Variants in USP24 observed in about 807,000 individuals in gnomAD.
USP24 encodes the protein ubiquitin specific peptidase 24.
USP24 carries 97 observed loss-of-function variants against 361.6 expected under a neutral mutation model. That is an observed-to-expected ratio of 0.27 (90% CI 0.23 to 0.32). The LOEUF (loss-of-function observed/expected upper bound fraction) is 0.32. USP24 is among the 10% of genes least tolerant of loss of function. The pLI, the probability that USP24 is intolerant of heterozygous loss-of-function variation, is 1.00. For missense variants in USP24, 2,353 were observed against 3,165.6 expected, an observed-to-expected ratio of 0.74 and a Z score of 6.16; for synonymous variants, 1,098 against 1,124.6, an observed-to-expected ratio of 0.98 and a Z score of 0.47.
chr1:55,108,249 G>GCT (rs1026407928), intron 39 of USP24, among the ~76,000 whole-genome samples: 4 of 152,152 alleles, frequency 2.6e-5, no homozygotes, highest in Non-Finnish European at 5.9e-5. Flanking sequence ...GAACTACTCT[G>GCT]TTCTTTTGTA....
At chr1:55,081,275 G>T in intron 59 of USP24, 47 bp downstream of exon 59, 1 of 1,566,162 alleles carries the variant, frequency 6.4e-7, no homozygotes, top group Non-Finnish European at 8.8e-7. Context: ...TACTCTCCAA[G>T]CTAGACAAAT....
intron 20 of USP24, among the ~76,000 whole-genome samples, chr1:55,145,081 G>A (rs183085016): frequency 1.2e-4 from 19 of 152,278 alleles, no homozygotes; most frequent in Non-Finnish European, 1.5e-4. Flanking sequence ...GTGGGATTAC[G>A]AAATAGCGTG....
intron 28 of USP24, among the ~76,000 whole-genome samples, chr1:55,134,761 G>A (rs1290520566): frequency 6.6e-6 from 1 of 152,220 alleles, no homozygotes; most frequent in Admixed American, 6.5e-5. Context: ...CTGCTCCCCA[G>A]TAGAGAACAG....
Position 55,117,597 on chromosome 1 carries a change from G to A in USP24, c.4508+2999C>T, listed in dbSNP as rs1030408194. On this transcript the variant is annotated intron_variant, in intron 38 of 67. Transcript: ENST00000294383. Reference sequence around the variant, plus strand: ...CAAAAAATTAGCCGGGCGCGGTGGCGGGCGCCTGTAGTCCCAGCTACTCGG... The same window carrying A: ...CAAAAAATTAGCCGGGCGCGGTGGCAGGCGCCTGTAGTCCCAGCTACTCGG... Among the ~76,000 whole-genome samples the A allele has an allele frequency of 1.2e-4, 18 of 151,622 alleles. No homozygotes were observed. In the South Asian group the frequency reaches 1.3e-3, roughly 11 times the overall value.
In USP24 at chr1:55,078,620, G is replaced by A. The variant is rs780778460; in HGVS notation, c.7232C>T (p.Ser2411Leu). 3 of 1,610,426 alleles carry A rather than the reference G, an allele frequency of 1.9e-6. No homozygotes were observed. The highest frequency in any genetic ancestry group is 1.7e-4 in the Middle Eastern group (1 of 6,052). ...VMFALRELTG[S>L]LLALIEMVVY... ...TACCATCTCAATGAGTGCCAAGAGCGAGCCTGTCAGCTCCCGCAAAGCAAA... is the reference window on the plus strand; with the variant it reads ...TACCATCTCAATGAGTGCCAAGAGCAAGCCTGTCAGCTCCCGCAAAGCAAA... Residue 2411 changes from serine (S) to leucine (L), a missense_variant, in exon 61 of 68, where the codon TCG becomes TTG. Coordinates refer to ENST00000294383, the MANE Select transcript of USP24 (RefSeq NM_015306.3).
chr1:55,130,601 C>G (rs1414638549), intron 31 of USP24, among the ~76,000 whole-genome samples: 2 of 152,134 alleles, frequency 1.3e-5, no homozygotes, highest in African/African-American at 4.8e-5. Flanking sequence ...CTAGGTTGCT[C>G]TGGAGAAACA....
Position 55,181,051 on chromosome 1 carries a change from AT to A in USP24, c.325-2920del, listed in dbSNP as rs201373052. ...TTGCCTAATACGCACACTAGTTTGT[AT>A]TTTTTTTTTTTGGAAACCTACATAT... is the stretch of plus-strand genomic sequence containing the variant. On this transcript the variant is annotated intron_variant, in intron 1 of 67. Transcript: ENST00000294383. Among the ~76,000 whole-genome samples, 275 of 147,074 alleles carry A rather than the reference AT, an allele frequency of 1.9e-3. 1 individual carries two copies. Among genetic ancestry groups the A allele is most frequent in the African/African-American group, 4.5e-3 (180 of 40,286 alleles).
intron 5 of USP24, among the ~76,000 whole-genome samples, chr1:55,167,938 A>G (rs1649051644): frequency 6.6e-6 from 1 of 152,204 alleles, no homozygotes; most frequent in Non-Finnish European, 1.5e-5. Context: ...TGACTCTTCA[A>G]GTCTGGTATA....
At chr1:55,167,382 C>G (rs549137331) in intron 5 of USP24, among the ~76,000 whole-genome samples, 22 of 152,234 alleles carry the variant, frequency 1.4e-4, no homozygotes, top group African/African-American at 5.3e-4. Flanking sequence ...AGAAAAGACT[C>G]TGCTGTGTTT....
intron 5 of USP24, among the ~76,000 whole-genome samples, chr1:55,167,362 G>A (rs1648989722): frequency 6.6e-6 from 1 of 152,098 alleles, no homozygotes; most frequent in Non-Finnish European, 1.5e-5. Context: ...AGGTCCTGAT[G>A]GGGGATGGCA....
intron 12 of USP24, 48 bp downstream of exon 12, chr1:55,156,900 T>C (rs1477625464): frequency 7.3e-7 from 1 of 1,376,702 alleles, no homozygotes; most frequent in Admixed American, 1.7e-5. Flanking sequence ...CGCTCTCCTG[T>C]AGTCCAAAAA....
intron 5 of USP24, among the ~76,000 whole-genome samples, chr1:55,166,813 C>A (rs1049240306): frequency 6.6e-6 from 1 of 152,130 alleles, no homozygotes; most frequent in Admixed American, 6.6e-5. Flanking sequence ...TTTGATGGAA[C>A]TGCCACAATG....
intron 2 of USP24, among the ~76,000 whole-genome samples, chr1:55,177,085 A>G (rs1481102441): frequency 6.7e-6 from 1 of 148,660 alleles, no homozygotes; most frequent in Non-Finnish European, 1.5e-5. Context: ...TGTCTCAAAA[A>G]TCAAAAACCA....
chr1:55,067,760 G>A lies in USP24; in HGVS notation c.*1285C>T, dbSNP rs1420795383. 6.6e-6 allele frequency: 1 copy of A among 152,186 alleles called. No individual in the cohort carries two copies. The highest frequency in any genetic ancestry group is 1.5e-5 in the Non-Finnish European group (1 of 68,040). 9.4% of individuals were successfully genotyped at this position (152,186 alleles called of 1,614,324 possible). Reference sequence around the variant, plus strand: ...AGGACCTGTAACTAAAGGCAAAACAGGGCCGAAAATGTGAGCAATTCAAAA... The same window carrying A: ...AGGACCTGTAACTAAAGGCAAAACAAGGCCGAAAATGTGAGCAATTCAAAA... On this transcript the variant is annotated 3_prime_UTR_variant, in exon 68 of 68. Coordinates refer to ENST00000294383, the MANE Select transcript of USP24 (RefSeq NM_015306.3).
Position 55,165,962 on chromosome 1 carries a change from A to G in USP24, c.862-12T>C. The G allele has an allele frequency of 6.2e-7, 1 of 1,602,312 alleles. No individual in the cohort carries two copies. The highest frequency in any genetic ancestry group is 8.5e-7 in the Non-Finnish European group (1 of 1,173,874). On this transcript the variant is annotated splice_polypyrimidine_tract_variant and intron_variant, in intron 6 of 67. Coordinates refer to ENST00000294383, the MANE Select transcript of USP24 (RefSeq NM_015306.3). The stretch of plus-strand genomic sequence containing the variant: ...CCTAATTCTCCAAACTGAGAAGAAA[A>G]AAGGCACACATTAAGTTATTTTTCT...
intron 59 of USP24, among the ~76,000 whole-genome samples, 199 bp from the exon 60 acceptor site, chr1:55,079,858 G>A (rs1032036934): frequency 2.0e-5 from 3 of 149,240 alleles, no homozygotes; most frequent in African/African-American, 7.4e-5. Flanking sequence ...CAGAGTACTC[G>A]TGCACACTGA....
rs868232803 is a variant in USP24, at chr1:55,176,403, G to A, written c.531C>T (p.Asp177=). The change falls in exon 3 of 68, where the codon GAC becomes GAT. Residue 177 remains aspartate (D), a synonymous_variant. Transcript: ENST00000294383. ...TTTTAAATGCTTCAGGCATACACCT[G>A]TCCATAAACCTTCTACAATTCTCAT... ...ESDENCRRFM[D]RCMPEAFKKL... is the part of the protein sequence containing the mutation. 8 of 1,572,764 alleles carry A rather than the reference G, an allele frequency of 5.1e-6. No homozygotes were observed. The highest frequency in any genetic ancestry group is 6.9e-6 in the Non-Finnish European group (8 of 1,157,218).
chr1:55,191,581 C>T (rs777739640), intron 1 of USP24, among the ~76,000 whole-genome samples: 60 of 151,430 alleles, frequency 4.0e-4, no homozygotes, highest in Non-Finnish European at 7.7e-4. Context: ...ACCTCTGCCT[C>T]CCAGGTTCAA....
At chr1:55,081,215 C>G (rs1322364908) in intron 59 of USP24, 107 bp downstream of exon 59, 2 of 1,128,266 alleles carry the variant, frequency 1.8e-6, no homozygotes, top group Non-Finnish European at 2.5e-6. Flanking sequence ...CCTCAACTAG[C>G]AAGTAGTCGA....
Sources: allele counts gnomAD v4.1 joint callset (sites outside exome capture counted in the v4.1 genomes callset), GRCh38; gene constraint gnomAD v4.1.1; transcripts MANE v1.5; gene names NCBI Gene and HGNC (gene_info 2026-07-23, HGNC 2026-07-21).